Variants in ANK2 observed in about 807,000 individuals in gnomAD.
The protein encoded by ANK2 is ankyrin-2.
Under a neutral mutation model 360.5 loss-of-function variants are expected in ANK2, and 83 were observed. The ratio of observed to expected loss-of-function variants is 0.23; its 90% CI spans 0.19 to 0.28. The LOEUF is 0.28. Among genes scored for constraint, ANK2 ranks in the 10% least tolerant of loss-of-function variants. The pLI is 1.00. For synonymous variants in ANK2, 1,740 were observed against 1,759.5 expected, an observed-to-expected ratio of 0.99 and a Z score of 0.28; for missense variants, 4,201 against 4,795.7, an observed-to-expected ratio of 0.88 and a Z score of 3.66.
At chr4:113,263,344 T>G (rs1201168726) in intron 13 of ANK2, among the ~76,000 whole-genome samples, 1 of 152,188 alleles carries the variant, frequency 6.6e-6, no homozygotes. Flanking sequence ...AGCATTCCAA[T>G]GATACATCGT....
At chr4:113,155,154 T>C (rs1022518509) in intron 1 of ANK2, among the ~76,000 whole-genome samples, 2 of 152,246 alleles carry the variant, frequency 1.3e-5, no homozygotes, top group African/African-American at 4.8e-5. Flanking sequence ...GCATACTGCA[T>C]ACCATTTCAT....
At chr4:112,982,664 C>G (rs1201646324) in intron 2 of ANK2, among the ~76,000 whole-genome samples, 3 of 152,158 alleles carry the variant, frequency 2.0e-5, no homozygotes, top group African/African-American at 7.2e-5. Flanking sequence ...GGATGGAGGG[C>G]ACTGCGGGTG....
intron 4 of ANK2, among the ~76,000 whole-genome samples, chr4:113,202,167 A>C (rs1309676129): frequency 6.6e-6 from 1 of 152,140 alleles, no homozygotes; most frequent in Non-Finnish European, 1.5e-5. Flanking sequence ...ATATTTTATA[A>C]TATAATGATT....
intron 1 of ANK2, among the ~76,000 whole-genome samples, chr4:113,077,498 T>C (rs1327405267): frequency 6.6e-6 from 1 of 152,216 alleles, no homozygotes; most frequent in Non-Finnish European, 1.5e-5. Flanking sequence ...GTGGTTCAGC[T>C]TAAGAACAGG....
At chr4:112,799,307 C>T in the ANK2 span, among the ~76,000 whole-genome samples, 1 of 152,096 alleles carries the variant, frequency 6.6e-6, no homozygotes, top group Admixed American at 6.5e-5. Context: ...TGTTCGAGTG[C>T]CTGCTTCCGA....
rs2153942859 is a variant in ANK2, at chr4:113,333,138, C to G, written c.3309C>G (p.Asp1103Glu). 6.2e-7 allele frequency: 1 copy of G among 1,614,166 alleles called. No individual in the cohort carries two copies. The highest frequency in any genetic ancestry group is 8.5e-7 in the Non-Finnish European group (1 of 1,180,028). ...TGGTCCTGCGCAGTGAGAATGGGGACAGCTGGAAAGAGCATTTCTGTGACT... is the reference window on the plus strand; with the variant it reads ...TGGTCCTGCGCAGTGAGAATGGGGAGAGCTGGAAAGAGCATTTCTGTGACT... The part of the protein sequence containing the change: ...ELVVLRSENG[D>E]SWKEHFCDYT... The change falls in exon 29 of 46, where the codon GAC becomes GAG. Residue 1103 changes from aspartate to glutamate, a missense_variant. Coordinates refer to ENST00000357077, the MANE Select transcript of ANK2 (RefSeq NM_001148.6).
At chr4:113,297,733 T>G (rs555383765) in intron 22 of ANK2, among the ~76,000 whole-genome samples, 6 of 152,212 alleles carry the variant, frequency 3.9e-5, no homozygotes, top group African/African-American at 1.2e-4. Flanking sequence ...TATGTATATA[T>G]ATGCTATAAT....
chr4:113,191,105 C>T (rs745956942), intron 2 of ANK2, among the ~76,000 whole-genome samples: 3 of 152,004 alleles, frequency 2.0e-5, no homozygotes, highest in Non-Finnish European at 4.4e-5. Flanking sequence ...TTTGGGAGGC[C>T]GAGGTGGGAG....
At chr4:112,965,683 A>G (rs2036925511) in intron 2 of ANK2, among the ~76,000 whole-genome samples, 1 of 152,166 alleles carries the variant, frequency 6.6e-6, no homozygotes, top group Non-Finnish European at 1.5e-5. Flanking sequence ...ATTCTTCTGC[A>G]TATTGATATC....
At chr4:113,075,876 T>G (rs1580859438) in intron 1 of ANK2, among the ~76,000 whole-genome samples, 1 of 152,188 alleles carries the variant, frequency 6.6e-6, no homozygotes, top group East Asian at 1.9e-4. Flanking sequence ...AAGATCTTAG[T>G]ATACTTTAGT....
chr4:113,326,930 G>A (rs746132860), intron 26 of ANK2, among the ~76,000 whole-genome samples: 4 of 152,086 alleles, frequency 2.6e-5, no homozygotes, highest in Admixed American at 6.5e-5. Context: ...CTTGAGCCCC[G>A]AAGGTCAAGG....
At chr4:113,336,421 A>C (rs2093541785) in intron 30 of ANK2, 156 bp from the exon 31 acceptor site, 1 of 752,136 alleles carries the variant, frequency 1.3e-6, no homozygotes, top group Non-Finnish European at 2.1e-6. Context: ...CTTAGTAATA[A>C]TACTGAACTT....
chr4:113,141,647 G>C (rs2154385014), intron 1 of ANK2, among the ~76,000 whole-genome samples: 1 of 152,314 alleles, frequency 6.6e-6, no homozygotes, highest in South Asian at 2.1e-4. Flanking sequence ...TTCAGGAGTT[G>C]TGATCTATCC....
At chr4:113,123,649 A>G (rs2095500756) in intron 1 of ANK2, among the ~76,000 whole-genome samples, 1 of 152,154 alleles carries the variant, frequency 6.6e-6, no homozygotes, top group Non-Finnish European at 1.5e-5. Context: ...GGAAAGTCTC[A>G]ACAGAATCAT....
rs60272903 is a variant in ANK2 at position 112,829,491 on chromosome 4, C to CAA, written c.-40+11245_-40+11246dup. On this transcript the variant is annotated intron_variant, in intron 1 of 30. Transcript: ENST00000503271. ...GCAACATAGTATGAGCCCATCTCTACAAAAAAAAAAAAAAAAAAAGGAAGG... is the reference window on the plus strand; with the variant it reads ...GCAACATAGTATGAGCCCATCTCTACAAAAAAAAAAAAAAAAAAAAAGGAAGG... Among the ~76,000 whole-genome samples the CAA allele has an allele frequency of 5.1e-3, 310 of 60,722 alleles. 36 individuals are homozygous for CAA. The highest frequency in any genetic ancestry group is 0.017 in the Middle Eastern group (1 of 58). The allele number at this position is 60,722 out of a possible 152,430, so 39.8% of individuals were successfully genotyped here. A position where few individuals can be genotyped will look rare whatever the true frequency, so the allele number is the denominator to read the frequency against.
At chr4:113,176,008 G>T (rs1340688136) in intron 2 of ANK2, among the ~76,000 whole-genome samples, 1 of 152,212 alleles carries the variant, frequency 6.6e-6, no homozygotes, top group Non-Finnish European at 1.5e-5. Flanking sequence ...ATTTCTCAGG[G>T]TGGTGCTCGC....
At chr4:113,040,505 A>G (rs771576329) in intron 2 of ANK2, among the ~76,000 whole-genome samples, 5 of 152,054 alleles carry the variant, frequency 3.3e-5, no homozygotes, top group Non-Finnish European at 7.4e-5. Flanking sequence ...CTGCTGCTTT[A>G]AAATCCATCT....
chr4:112,899,111 G>T (rs2082557900), intron 1 of ANK2, among the ~76,000 whole-genome samples: 1 of 152,186 alleles, frequency 6.6e-6, no homozygotes, highest in Non-Finnish European at 1.5e-5. Context: ...TCCTGTGGGT[G>T]TAGTCTCATT....
At chr4:113,285,724 A>T (rs543568839) in intron 18 of ANK2, among the ~76,000 whole-genome samples, 80 of 152,254 alleles carry the variant, frequency 5.3e-4, no homozygotes, top group African/African-American at 1.9e-3. Flanking sequence ...TTCCCCCAGG[A>T]TATAGGATGG....
Sources: allele counts gnomAD v4.1 joint callset (sites outside exome capture counted in the v4.1 genomes callset), GRCh38; gene constraint gnomAD v4.1.1; transcripts MANE v1.5; gene names NCBI Gene and HGNC (gene_info 2026-07-23, HGNC 2026-07-21).